The following GRIK1 variants were observed in gnomAD, a reference collection of about 807,000 sequenced individuals.
GRIK1 encodes the protein glutamate ionotropic receptor kainate type subunit 1, also known as glutamate receptor ionotropic, kainate 1.
In GRIK1, 69 loss-of-function variants were observed where a neutral mutation model predicts 105.7. The ratio of observed to expected loss-of-function variants is 0.65; its 90% CI spans 0.54 to 0.80. GRIK1 has a LOEUF of 0.80. Among genes scored for constraint, GRIK1 ranks in the 30% least tolerant of loss-of-function variants. The pLI is 0.00. For synonymous variants in GRIK1, 438 were observed against 431.3 expected (o/e 1.02, Z -0.19); for missense variants, 1,109 against 1,167.3 (o/e 0.95, Z 0.73).
At chr21:29,686,094 A>G (rs2063481834) in intron 3 of GRIK1, among the ~76,000 whole-genome samples, 1 of 152,128 alleles carries the variant, frequency 6.6e-6, no homozygotes, top group Admixed American at 6.5e-5. Flanking sequence ...ACATTTCCAC[A>G]TGTTGTTCAT....
At position 29,800,790 on chromosome 21, in the gene GRIK1, A is replaced by C. The variant is rs140376353; in HGVS notation, c.119-106727T>G. 1.8e-4 allele frequency among the ~76,000 whole-genome samples: 27 copies of C among 152,352 alleles called. No individual in the cohort carries two copies. In the East Asian group the frequency reaches 5.2e-3, roughly 29 times the overall value. On this transcript the variant is annotated intron_variant, in intron 1 of 17. Transcript: ENST00000327783. ...TGTATATTGGAAGATGAACACTGTCACACAAGTATGAACAAAAAATGGTAA... is the reference window on the plus strand; with the variant it reads ...TGTATATTGGAAGATGAACACTGTCCCACAAGTATGAACAAAAAATGGTAA...
chr21:29,748,455 A>T (rs2065100092), intron 1 of GRIK1, among the ~76,000 whole-genome samples: 1 of 152,236 alleles, frequency 6.6e-6, no homozygotes, highest in Non-Finnish European at 1.5e-5. Flanking sequence ...GATAAGAGTC[A>T]AAGTTTCCAA....
intron 1 of GRIK1, among the ~76,000 whole-genome samples, chr21:29,815,873 C>A (rs1418692150): frequency 6.6e-6 from 1 of 151,972 alleles, no homozygotes; most frequent in Non-Finnish European, 1.5e-5. Context: ...AGGAAACAAT[C>A]CAGGACACTG....
intron 1 of GRIK1, among the ~76,000 whole-genome samples, chr21:29,725,347 A>G (rs2064430851): frequency 6.6e-6 from 1 of 152,202 alleles, no homozygotes; most frequent in Admixed American, 6.5e-5. Context: ...ACTGTGTTTT[A>G]TGTTTTTAAA....
chr21:29,848,588 A>G (rs1416746832), intron 1 of GRIK1, among the ~76,000 whole-genome samples: 2 of 151,912 alleles, frequency 1.3e-5, no homozygotes, highest in Admixed American at 1.3e-4. Context: ...TCAAATGGAA[A>G]CCTTCTTTGT....
intron 7 of GRIK1, among the ~76,000 whole-genome samples, chr21:29,631,984 G>GAA (rs35815638): frequency 4.7e-5 from 7 of 147,846 alleles, no homozygotes; most frequent in East Asian, 2.0e-4. Flanking sequence ...GAATGTGCAG[G>GAA]AAAAAAAAAA....
At chr21:29,777,243 C>T (rs553811916) in intron 1 of GRIK1, among the ~76,000 whole-genome samples, 2 of 152,152 alleles carry the variant, frequency 1.3e-5, no homozygotes, top group Non-Finnish European at 2.9e-5. Flanking sequence ...TCAACCAGAA[C>T]CAGAATCACC....
chr21:29,588,787 C>T, intron 11 of GRIK1, 52 bp downstream of exon 11: 15 of 971,610 alleles, frequency 1.5e-5, no homozygotes, highest in Middle Eastern at 4.3e-4. Context: ...TTTTTCCTCT[C>T]TTACTTTCTC....
intron 14 of GRIK1, among the ~76,000 whole-genome samples, chr21:29,564,899 C>T (rs2090577004): frequency 6.6e-6 from 1 of 152,132 alleles, no homozygotes. Context: ...GTTTCCTGAG[C>T]CAGCACACTC....
chr21:29,827,894 T>G (rs932930569), intron 1 of GRIK1, among the ~76,000 whole-genome samples: 3 of 152,012 alleles, frequency 2.0e-5, no homozygotes, highest in Non-Finnish European at 4.4e-5. Flanking sequence ...TGGCTTTATT[T>G]AGCTGATGGG....
chr21:29,693,730 T>G (rs1045096112), intron 2 of GRIK1, among the ~76,000 whole-genome samples, 166 bp downstream of exon 2: 1 of 152,096 alleles, frequency 6.6e-6, no homozygotes, highest in African/African-American at 2.4e-5. Flanking sequence ...CAACGTCCAT[T>G]AGGTTAGTTC....
chr21:29,618,098 A>G (rs1345126175), intron 7 of GRIK1, among the ~76,000 whole-genome samples: 3 of 152,074 alleles, frequency 2.0e-5, no homozygotes, highest in South Asian at 2.1e-4. Context: ...TTCATCTTTG[A>G]TATTTCTTCC....
At chr21:29,928,638 A>G (rs2071463677) in intron 1 of GRIK1, among the ~76,000 whole-genome samples, 1 of 152,238 alleles carries the variant, frequency 6.6e-6, no homozygotes, top group Non-Finnish European at 1.5e-5. Context: ...CACCCCAAAG[A>G]GGCGCTGGGT....
rs182344057 is a variant in GRIK1 at position 29,609,185 on chromosome 21, C to T, written c.1099-10248G>A. ...TTTAATAAGATATAGCTTTACATAT[C>T]TTATTAAAAGAATAAAAAGATTCAT... On this transcript the variant is annotated intron_variant, in intron 7 of 17. Coordinates refer to ENST00000327783, the MANE Select transcript of GRIK1 (RefSeq NM_001330994.2). 6.3e-3 allele frequency among the ~76,000 whole-genome samples: 954 copies of T among 151,024 alleles called. 13 individuals are homozygous for T. The highest frequency in any genetic ancestry group is 0.022 in the African/African-American group (898 of 41,296).
At chr21:29,706,138 C>T (rs1019773335) in intron 1 of GRIK1, among the ~76,000 whole-genome samples, 13 of 152,018 alleles carry the variant, frequency 8.6e-5, no homozygotes, top group South Asian at 4.1e-4. Flanking sequence ...CCTCCCAAAG[C>T]GCTGGGATTA....
At chr21:29,847,578 ACT>A (rs1256111330) in intron 1 of GRIK1, among the ~76,000 whole-genome samples, 2 of 152,000 alleles carry the variant, frequency 1.3e-5, no homozygotes, top group African/African-American at 2.4e-5. Flanking sequence ...ACAGGGTGAG[ACT>A]CTGTCTCAAA....
chr21:29,779,017 G>A (rs2066018966), intron 1 of GRIK1, among the ~76,000 whole-genome samples: 1 of 152,160 alleles, frequency 6.6e-6, no homozygotes, highest in Non-Finnish European at 1.5e-5. Flanking sequence ...ATGCCCCCAA[G>A]AAAATAAGTC....
intron 1 of GRIK1, among the ~76,000 whole-genome samples, chr21:29,906,547 T>G (rs950180781): frequency 3.9e-5 from 6 of 152,212 alleles, no homozygotes; most frequent in Non-Finnish European, 8.8e-5. Flanking sequence ...GCCTTATTTA[T>G]TTTTATTATA....
At chr21:29,881,833 G>A (rs2069420298) in intron 1 of GRIK1, among the ~76,000 whole-genome samples, 1 of 152,036 alleles carries the variant, frequency 6.6e-6, no homozygotes, top group Non-Finnish European at 1.5e-5. Context: ...CTCCACAATG[G>A]TATTCAAAAT....
Sources: allele counts gnomAD v4.1 joint callset (sites outside exome capture counted in the v4.1 genomes callset), GRCh38; gene constraint gnomAD v4.1.1; transcripts MANE v1.5; gene names NCBI Gene and HGNC (gene_info 2026-07-23, HGNC 2026-07-21).